Variants in MOGAT2 observed in about 807,000 individuals in gnomAD.
The protein encoded by MOGAT2 is 2-acylglycerol O-acyltransferase 2.
A neutral mutation model predicts 31.5 loss-of-function variants in MOGAT2; 27 were observed. That is an observed-to-expected ratio of 0.86 (90% CI 0.63 to 1.18). The LOEUF (loss-of-function observed/expected upper bound fraction) is 1.18, where lower values mean the gene tolerates loss of function less well. MOGAT2 is among the 50% of genes most tolerant of loss of function. The pLI, the probability that MOGAT2 is intolerant of heterozygous loss-of-function variation, is 0.00. For synonymous variants in MOGAT2, 163 were observed against 170.0 expected, an observed-to-expected ratio of 0.96 and a Z score of 0.32; for missense variants, 436 against 433.2, an observed-to-expected ratio of 1.01 and a Z score of -0.06.
chr11:75,727,352 T>C, intron 2 of MOGAT2, 83 bp from the exon 3 acceptor site: 2 of 1,366,900 alleles, frequency 1.5e-6, no homozygotes, highest in Non-Finnish European at 1.0e-6. Flanking sequence ...GAGGGGAGGT[T>C]TCCCAAGGTC....
intron 4 of MOGAT2, chr11:75,728,447 C>G (rs1419096869): frequency 1.8e-6 from 1 of 553,910 alleles, no homozygotes; most frequent in African/African-American, 1.9e-5. Flanking sequence ...TGTTCTCCCT[C>G]CTTGGGGTGA....
intron 2 of MOGAT2, among the ~76,000 whole-genome samples, chr11:75,725,242 G>A (rs1389249254): frequency 6.6e-6 from 1 of 152,170 alleles, no homozygotes; most frequent in African/African-American, 2.4e-5. Context: ...CATGCATTGA[G>A]CTAGATAGGT....
chr11:75,731,390 T>C lies in MOGAT2; in HGVS notation c.*104T>C. 3 of 1,302,248 alleles carry C rather than the reference T, an allele frequency of 2.3e-6. No homozygotes were observed. The highest frequency in any genetic ancestry group is 2.9e-5 in the South Asian group (2 of 70,112). The allele number at this position is 1,302,248 out of a possible 1,614,324, so 80.7% of individuals were successfully genotyped here. A position where few individuals can be genotyped will look rare whatever the true frequency, so the allele number is the denominator to read the frequency against. The stretch of plus-strand genomic sequence containing the variant: ...ACATATCTGCAGAGCCTTCCCAGAC[T>C]CCTGCAAATCCAACCCATATCAGGC... On this transcript the variant is annotated 3_prime_UTR_variant, in exon 6 of 6. Coordinates refer to ENST00000198801, the MANE Select transcript of MOGAT2 (RefSeq NM_025098.4).
At chr11:75,731,099 C>T (rs764754581) in intron 5 of MOGAT2, 33 bp from the exon 6 acceptor site, 1 of 1,605,598 alleles carries the variant, frequency 6.2e-7, no homozygotes. Flanking sequence ...CCCTTGCCTA[C>T]CCTAGGCCAC....
intron 2 of MOGAT2, among the ~76,000 whole-genome samples, chr11:75,724,197 T>A (rs911978009): frequency 1.3e-5 from 2 of 152,240 alleles, no homozygotes; most frequent in Non-Finnish European, 2.9e-5. Flanking sequence ...GCCTTCCTTC[T>A]GAGGCTGTAC....
chr11:75,724,277 C>T (rs1402644806), intron 2 of MOGAT2, among the ~76,000 whole-genome samples: 1 of 152,206 alleles, frequency 6.6e-6, no homozygotes, highest in Non-Finnish European at 1.5e-5. Context: ...CTCCTCTGTT[C>T]CAGGCCTGCA....
At chr11:75,719,947 T>C (rs758657795) in intron 1 of MOGAT2, 45 bp from the exon 2 acceptor site, 6 of 1,592,142 alleles carry the variant, frequency 3.8e-6, no homozygotes, top group Non-Finnish European at 5.1e-6. Flanking sequence ...TCACCTGCCT[T>C]CCTCTCAGAC....
chr11:75,724,020 C>T (rs1033249145), intron 2 of MOGAT2, among the ~76,000 whole-genome samples: 7 of 152,196 alleles, frequency 4.6e-5, no homozygotes, highest in African/African-American at 1.4e-4. Context: ...GCCAGGGAGG[C>T]GTTATCAGTG....
chr11:75,720,857 C>T (rs565628911), intron 2 of MOGAT2, among the ~76,000 whole-genome samples: 14 of 152,258 alleles, frequency 9.2e-5, no homozygotes, highest in African/African-American at 3.1e-4. Context: ...TCATTGTGGA[C>T]GCTGGGCCCT....
chr11:75,728,579 G>T (rs12285977), intron 4 of MOGAT2: 9,381 of 598,630 alleles, frequency 0.016, 416 homozygotes, highest in African/African-American at 0.11. Context: ...TGGTGCAACT[G>T]GGAAGTTGTG....
Position 75,728,100 on chromosome 11 carries a change from A to G in MOGAT2, c.606A>G (p.Leu202=). Residue 202 remains leucine, a synonymous_variant, in exon 4 of 6, where the codon TTA becomes TTG. Transcript: ENST00000198801. ...LDARPGSFTL[L]LRNRKGFVRL... is the part of the protein sequence containing the mutation. ...CCAGGCCTGGATCCTTCACGCTGTT[A>G]CTGCGGAACCGAAAGGGCTTCGTCA... The G allele has an allele frequency of 6.2e-7, 1 of 1,614,132 alleles. No homozygotes were observed. Among genetic ancestry groups the G allele is most frequent in the Non-Finnish European group, 8.5e-7 (1 of 1,180,022 alleles).
At chr11:75,726,550 A>T (rs1397411989) in intron 2 of MOGAT2, among the ~76,000 whole-genome samples, 1 of 152,212 alleles carries the variant, frequency 6.6e-6, no homozygotes, top group Non-Finnish European at 1.5e-5. Flanking sequence ...ATACAATGGA[A>T]ATGGTATGGA....
chr11:75,727,690 G>T (rs112522544), intron 3 of MOGAT2, 51 bp downstream of exon 3: 20,066 of 1,550,994 alleles, frequency 0.013, 188 homozygotes, highest in Non-Finnish European at 0.015. Context: ...ATTTTCGGAA[G>T]GGTTGCCAAT....
At chr11:75,720,614 T>A (rs749167224) in intron 2 of MOGAT2, among the ~76,000 whole-genome samples, 12 of 152,124 alleles carry the variant, frequency 7.9e-5, no homozygotes, top group Non-Finnish European at 1.3e-4. Context: ...CACAGCAAGT[T>A]CTTTTACAGA....
chr11:75,731,048 T>C (rs1944474183), intron 5 of MOGAT2, 84 bp from the exon 6 acceptor site: 1 of 1,272,378 alleles, frequency 7.9e-7, no homozygotes, highest in Non-Finnish European at 1.1e-6. Flanking sequence ...AGCACTTTTC[T>C]GCAGGGATGA....
Position 75,731,922 on chromosome 11 carries a change from A to C in MOGAT2, c.*636A>C, listed in dbSNP as rs1185143880. ...CCCGAGGATCCCAGCTCAGCTTTGC[A>C]TCGCTGCCCTATCTCCCTCTCGCTC... On this transcript the variant is annotated 3_prime_UTR_variant, in exon 6 of 6. Transcript: ENST00000198801. The C allele has an allele frequency of 1.3e-5, 2 of 152,436 alleles. No homozygotes were observed. Among genetic ancestry groups the C allele is most frequent in the Non-Finnish European group, 2.9e-5 (2 of 68,264 alleles). 9.4% of individuals were successfully genotyped at this position (152,436 alleles called of 1,614,324 possible).
chr11:75,728,118 C>T lies in MOGAT2; in HGVS notation c.624C>T (p.Gly208=), dbSNP rs1385536316. 2 of 1,613,744 alleles carry T rather than the reference C, an allele frequency of 1.2e-6. No homozygotes were observed. The highest frequency in any genetic ancestry group is 1.7e-6 in the Non-Finnish European group (2 of 1,179,914). The change falls in exon 4 of 6, where the codon GGC becomes GGT. Residue 208 remains glycine, a synonymous_variant. Transcript: ENST00000198801. ...CGCTGTTACTGCGGAACCGAAAGGG[C>T]TTCGTCAGGCTCGCCCTGACACACG... ...SFTLLLRNRK[G]FVRLALTHGA...
rs776178184 is a variant in MOGAT2 at position 75,728,955 on chromosome 11, T to A, written c.816T>A (p.Gly272=). 5 of 1,613,886 alleles carry A rather than the reference T, an allele frequency of 3.1e-6. No individual in the cohort carries two copies. The highest frequency in any genetic ancestry group is 3.4e-6 in the Non-Finnish European group (4 of 1,180,042). The change falls in exon 5 of 6, where the codon GGT becomes GGA. Residue 272 remains glycine, a synonymous_variant. Coordinates refer to ENST00000198801, the MANE Select transcript of MOGAT2 (RefSeq NM_025098.4). ...GTGGTGTCTTCCAGTACAGCTTTGG[T>A]TTAATACCCTACCGCCGGCCCATCA... The part of the protein sequence containing the change: ...HGRGVFQYSF[G]LIPYRRPITT...
chr11:75,720,004 C>T lies in MOGAT2; in HGVS notation c.104C>T (p.Thr35Ile), dbSNP rs35828061. Residue 35 changes from threonine to isoleucine, a missense_variant, in exon 2 of 6, where the codon ACT becomes ATT. Transcript: ENST00000198801. Reference sequence around the variant, plus strand: ...CTTCCCTCCCCAGCCGAGATCTGCACTGTGGGCTTCATAGCCCTCCTGTTT... The same window carrying T: ...CTTCCCTCCCCAGCCGAGATCTGCATTGTGGGCTTCATAGCCCTCCTGTTT... ...FSFLALAEIC[T>I]VGFIALLFTR... 3.7e-3 allele frequency: 5,994 copies of T among 1,613,896 alleles called. 167 individuals are homozygous for T. The African/African-American group carries it at 0.066, about 18-fold the overall frequency.
Sources: allele counts gnomAD v4.1 joint callset (sites outside exome capture counted in the v4.1 genomes callset), GRCh38; gene constraint gnomAD v4.1.1; transcripts MANE v1.5; gene names NCBI Gene and HGNC (gene_info 2026-07-23, HGNC 2026-07-21).